The following ATP8B1 variants were observed in gnomAD, a reference collection of about 807,000 sequenced individuals.
ATP8B1 encodes the protein ATPase phospholipid transporting 8B1, also known as phospholipid-transporting ATPase IC.
A neutral mutation model predicts 149.9 loss-of-function variants in ATP8B1; 80 were observed. The observed-to-expected ratio is 0.53, with a 90% CI of 0.45 to 0.64. The LOEUF (loss-of-function observed/expected upper bound fraction) is 0.64. ATP8B1 is among the 30% of genes least tolerant of loss of function. The pLI is 0.00. For synonymous variants in ATP8B1, 536 were observed against 562.8 expected (o/e 0.95, Z 0.67); for missense variants, 1,247 against 1,552.6 (o/e 0.80, Z 3.31).
chr18:57,692,629 T>G (rs1484256194), intron 11 of ATP8B1, among the ~76,000 whole-genome samples: 5 of 151,876 alleles, frequency 3.3e-5, no homozygotes, highest in African/African-American at 9.7e-5. Context: ...AGAGACGAGT[T>G]TCACCATGTT....
At chr18:57,730,539 C>T (rs550296501) in intron 2 of ATP8B1, among the ~76,000 whole-genome samples, 2 of 152,186 alleles carry the variant, frequency 1.3e-5, no homozygotes, top group South Asian at 2.1e-4. Flanking sequence ...ACAAGAGAAG[C>T]CCACATCTGT....
At chr18:57,764,015 G>A (rs2080182454) in intron 1 of ATP8B1, among the ~76,000 whole-genome samples, 1 of 152,206 alleles carries the variant, frequency 6.6e-6, no homozygotes, top group South Asian at 2.1e-4. Flanking sequence ...CCCCAGCTGT[G>A]CACTGCCGAA....
intron 22 of ATP8B1, among the ~76,000 whole-genome samples, chr18:57,656,911 A>G (rs1387387044): frequency 2.0e-5 from 3 of 151,952 alleles, no homozygotes; most frequent in African/African-American, 7.3e-5. Context: ...GTGCAAATCT[A>G]TGTCCTTGTT....
At chr18:57,670,799 G>A (rs1911177602) in intron 17 of ATP8B1, among the ~76,000 whole-genome samples, 1 of 151,820 alleles carries the variant, frequency 6.6e-6, no homozygotes, top group African/African-American at 2.4e-5. Context: ...CCCTCCCTCT[G>A]GGGTTCAAGC....
intron 1 of ATP8B1, among the ~76,000 whole-genome samples, chr18:57,781,505 G>A (rs2080356780): frequency 6.6e-6 from 1 of 152,162 alleles, no homozygotes; most frequent in Admixed American, 6.5e-5. Context: ...AGGTGTGAGT[G>A]CTGAACTTGT....
At chr18:57,770,954 C>A (rs1208231892) in intron 1 of ATP8B1, among the ~76,000 whole-genome samples, 4 of 152,212 alleles carry the variant, frequency 2.6e-5, no homozygotes, top group Non-Finnish European at 4.4e-5. Context: ...ACTTCTGCCT[C>A]CTAGGTTCAA....
intron 1 of ATP8B1, among the ~76,000 whole-genome samples, chr18:57,799,226 A>G (rs1568077206): frequency 6.6e-6 from 1 of 152,224 alleles, no homozygotes; most frequent in African/African-American, 2.4e-5. Context: ...ACCCAGGTCA[A>G]AAGACTCCAA....
chr18:57,693,584 T>C (rs969639373), intron 11 of ATP8B1, among the ~76,000 whole-genome samples: 6 of 152,078 alleles, frequency 3.9e-5, no homozygotes, highest in African/African-American at 1.4e-4. Context: ...GGCAGGTGCC[T>C]GTAATCCCAG....
chr18:57,761,142 A>AG (rs2080153916), intron 1 of ATP8B1, among the ~76,000 whole-genome samples: 1 of 148,140 alleles, frequency 6.8e-6, no homozygotes, highest in Non-Finnish European at 1.5e-5. Flanking sequence ...AATAAAATAA[A>AG]ATAAAATAAA....
At chr18:57,652,902 C>T (rs1177068629) in intron 24 of ATP8B1, among the ~76,000 whole-genome samples, 173 bp from the exon 25 acceptor site, 1 of 152,164 alleles carries the variant, frequency 6.6e-6, no homozygotes, top group African/African-American at 2.4e-5. Flanking sequence ...AGAGCTCAAC[C>T]TCATTGCTTA....
chr18:57,775,932 C>T (rs1397220578), intron 1 of ATP8B1, among the ~76,000 whole-genome samples: 1 of 152,208 alleles, frequency 6.6e-6, no homozygotes, highest in Admixed American at 6.5e-5. Context: ...GCGTGAGCTG[C>T]TGCGCCCAGC....
intron 16 of ATP8B1, among the ~76,000 whole-genome samples, chr18:57,672,931 T>TATAA (rs1301236712): frequency 0.022 from 743 of 33,048 alleles, 24 homozygotes; most frequent in Middle Eastern, 0.031. Context: ...TATATATATA[T>TATAA]AACATGTATA....
At position 57,691,888 on chromosome 18, in the gene ATP8B1, G is replaced by A. The variant is rs1315049206; in HGVS notation, c.1139C>T (p.Thr380Ile). The A allele has an allele frequency of 1.2e-6, 2 of 1,614,052 alleles. No homozygotes were observed. The highest frequency in any genetic ancestry group is 1.7e-6 in the Non-Finnish European group (2 of 1,180,018). Reference sequence around the variant, plus strand: ...AATGAGGAATCCACGGTAGGAGGGTGTATCGTCTTCTCCATCATAGAGGTA... The same window carrying A: ...AATGAGGAATCCACGGTAGGAGGGTATATCGTCTTCTCCATCATAGAGGTA... ...SWYLYDGEDD[T>I]PSYRGFLIFW... The change falls in exon 12 of 28, where the codon ACA (threonine) becomes ATA (isoleucine). Residue 380 changes from threonine (T) to isoleucine (I), a missense_variant. Thr to Ile is a moderately conservative substitution (Grantham distance 89). Coordinates refer to ENST00000648908, the MANE Select transcript of ATP8B1 (RefSeq NM_001374385.1).
chr18:57,688,781 C>T, intron 12 of ATP8B1: 3 of 452,296 alleles, frequency 6.6e-6, no homozygotes, highest in Non-Finnish European at 1.2e-5. Flanking sequence ...CTTGCTTGCC[C>T]CTTCTGCCAT....
At position 57,648,111 on chromosome 18, in the gene ATP8B1, C is replaced by G. The variant is rs1359083672; in HGVS notation, c.*377G>C. On this transcript the variant is annotated 3_prime_UTR_variant, in exon 28 of 28. Coordinates refer to ENST00000648908, the MANE Select transcript of ATP8B1 (RefSeq NM_001374385.1). ...AAGCGATTCTTCTGCTTCAGCTTCT[C>G]AAATAGGTGGGATTACGGGTGCCCA... 1 of 356,420 alleles carries G rather than the reference C, an allele frequency of 2.8e-6. No individual in the cohort carries two copies. The highest frequency in any genetic ancestry group is 5.4e-6 in the Non-Finnish European group (1 of 183,842). The allele number at this position is 356,420 out of a possible 1,614,324, so 22.1% of individuals were successfully genotyped here. A position where few individuals can be genotyped will look rare whatever the true frequency, so the allele number is the denominator to read the frequency against.
At position 57,695,496 on chromosome 18, in the gene ATP8B1, G is replaced by A. The variant is rs1912764020; in HGVS notation, c.735C>T (p.Ile245=). The A allele has an allele frequency of 6.2e-7, 1 of 1,612,538 alleles. No homozygotes were observed. Among genetic ancestry groups the A allele is most frequent in the Admixed American group, 1.7e-5 (1 of 59,990 alleles). The part of the protein sequence containing the change: ...TNLKFKMSLE[I]TDQYLQREDT... ...CTTCTCTTTGGAGGTACTGGTCTGT[G>A]ATTTCAAGTGACATCTTAAATTTTA... is the stretch of plus-strand genomic sequence containing the variant. Residue 245 remains isoleucine (I), a synonymous_variant, in exon 9 of 28, where the codon ATC becomes ATT. Transcript: ENST00000648908.
chr18:57,681,278 G>A (rs1911955237), intron 15 of ATP8B1, among the ~76,000 whole-genome samples: 1 of 152,072 alleles, frequency 6.6e-6, no homozygotes, highest in South Asian at 2.1e-4. Flanking sequence ...AAGAAATGGG[G>A]ACTTCAGTTC....
intron 26 of ATP8B1, 111 bp downstream of exon 26, chr18:57,651,923 T>C (rs1463018484): frequency 7.3e-7 from 1 of 1,371,344 alleles, no homozygotes; most frequent in East Asian, 2.5e-5. Flanking sequence ...TGTGAGCCAC[T>C]GTGCCCAGCC....
chr18:57,744,854 T>C (rs2079950762), intron 1 of ATP8B1, among the ~76,000 whole-genome samples: 1 of 152,152 alleles, frequency 6.6e-6, no homozygotes, highest in Admixed American at 6.5e-5. Context: ...TGGAACAAAA[T>C]ATAAACTTTG....
Sources: gnomAD v4.1 joint callset for allele counts (sites outside exome capture counted in the v4.1 genomes callset) on GRCh38, gnomAD v4.1.1 for gene constraint, MANE v1.5 for transcripts, NCBI Gene and HGNC (gene_info 2026-07-23, HGNC 2026-07-21) for gene names.